ADGRF1: variants seen among roughly 807,000 people sequenced by gnomAD.
The protein encoded by ADGRF1 is G protein-coupled receptor 110.
In ADGRF1, 85 loss-of-function variants were observed where a neutral mutation model predicts 87.2. The observed-to-expected ratio is 0.97, with a 90% CI of 0.82 to 1.17. The LOEUF is 1.17. Among genes scored for constraint, ADGRF1 ranks in the 50% most tolerant of loss-of-function variants. The pLI is 0.00. For missense variants in ADGRF1, 1,169 were observed against 1,077.2 expected, an observed-to-expected ratio of 1.09 and a Z score of -1.19; for synonymous variants, 430 against 408.8, an observed-to-expected ratio of 1.05 and a Z score of -0.63.
At chr6:47,022,904 C>T (rs2113896289) in intron 5 of ADGRF1, among the ~76,000 whole-genome samples, 1 of 147,308 alleles carries the variant, frequency 6.8e-6, no homozygotes, top group Middle Eastern at 3.5e-3. Context: ...CTTCTGGGTT[C>T]AAGCAATCCT....
chr6:47,007,569 G>T (rs573604298), intron 11 of ADGRF1, among the ~76,000 whole-genome samples: 2 of 152,284 alleles, frequency 1.3e-5, no homozygotes, highest in South Asian at 4.1e-4. Context: ...TCTCCCCATC[G>T]TACCATCCCA....
chr6:47,018,588 T>C, intron 7 of ADGRF1: 3 of 1,289,460 alleles, frequency 2.3e-6, no homozygotes, highest in Non-Finnish European at 3.0e-6. Context: ...CTGTCCTGTT[T>C]GACAGATAAG....
At chr6:47,018,481 T>A in intron 7 of ADGRF1, 1 of 1,289,670 alleles carries the variant, frequency 7.8e-7, no homozygotes, top group Non-Finnish European at 1.0e-6. Flanking sequence ...TCACAATACC[T>A]TTGTATTGAT....
rs777377434 is a variant in ADGRF1 at position 47,005,812 on chromosome 6, A to T, written c.2592+5T>A. 6.2e-7 allele frequency: 1 copy of T among 1,607,498 alleles called. No homozygotes were observed. Among genetic ancestry groups the T allele is most frequent in the Admixed American group, 1.7e-5 (1 of 59,402 alleles). On this transcript the variant is annotated splice_donor_5th_base_variant and intron_variant, in intron 13 of 14. Coordinates refer to ENST00000371253, the MANE Select transcript of ADGRF1 (RefSeq NM_153840.4). Reference sequence around the variant, plus strand: ...ATTGGATTCATGGCAGTAGGAGATAATTACCTTTTCTGTTTGCTTCCAAGA... The same window carrying T: ...ATTGGATTCATGGCAGTAGGAGATATTTACCTTTTCTGTTTGCTTCCAAGA...
chr6:47,027,466 A>G (rs1396673731), intron 3 of ADGRF1, among the ~76,000 whole-genome samples: 2 of 152,240 alleles, frequency 1.3e-5, no homozygotes, highest in Non-Finnish European at 2.9e-5. Flanking sequence ...GCACAGAAGA[A>G]AAGGGCGTGT....
At chr6:47,018,733 G>A (rs911398975) in intron 7 of ADGRF1, 1 of 319,318 alleles carries the variant, frequency 3.1e-6, no homozygotes, top group South Asian at 3.2e-5. Flanking sequence ...TCAACATGGT[G>A]AAACCCTTCT....
At position 47,009,617 on chromosome 6, in the gene ADGRF1, G is replaced by A. The variant is rs755738170; in HGVS notation, c.1818C>T (p.Ile606=). 18 of 1,614,004 alleles carry A rather than the reference G, an allele frequency of 1.1e-5. No homozygotes were observed. Among genetic ancestry groups the A allele is most frequent in the Admixed American group, 3.3e-5 (2 of 59,990 alleles). Residue 606 remains isoleucine, a synonymous_variant, in exon 11 of 15, where the codon ATC becomes ATT. Coordinates refer to ENST00000371253, the MANE Select transcript of ADGRF1 (RefSeq NM_153840.4). The stretch of plus-strand genomic sequence containing the variant: ...TAATCTGCTTCCAAAACAAAGCCTC[G>A]ATGATCAGGCATAAAATGAGACTTC... ...SIGSLILCLI[I]EALFWKQIKK...
At chr6:47,000,685 A>G (rs1474415616) in intron 14 of ADGRF1, among the ~76,000 whole-genome samples, 1 of 152,216 alleles carries the variant, frequency 6.6e-6, no homozygotes, top group Non-Finnish European at 1.5e-5. Flanking sequence ...GGCAATAACA[A>G]CAGAACCCAA....
At chr6:47,025,318 C>A (rs560746505) in intron 4 of ADGRF1, among the ~76,000 whole-genome samples, 1 of 152,318 alleles carries the variant, frequency 6.6e-6, no homozygotes, top group Non-Finnish European at 1.5e-5. Context: ...GAAGAATTTG[C>A]ATTTTTGCTA....
At position 47,025,780 on chromosome 6, in the gene ADGRF1, G is replaced by A. The variant is rs1780209822; in HGVS notation, c.277+74C>T. On this transcript the variant is annotated intron_variant, in intron 4 of 14. Transcript: ENST00000371253. Reference sequence around the variant, plus strand: ...GATTGTAGGGATGATTGTTTCCACAGCATAACCCAACCTAGCCTGACTGAT... The same window carrying A: ...GATTGTAGGGATGATTGTTTCCACAACATAACCCAACCTAGCCTGACTGAT... 4.5e-6 allele frequency: 6 copies of A among 1,327,764 alleles called. No homozygotes were observed. The Admixed American group carries it at 1.3e-4, about 29-fold the overall frequency. 82.2% of individuals were successfully genotyped at this position (1,327,764 alleles called of 1,614,324 possible). A position where few individuals can be genotyped will look rare whatever the true frequency, so the allele number is the denominator to read the frequency against.
chr6:47,008,698 G>T (rs1484139873), intron 11 of ADGRF1, among the ~76,000 whole-genome samples: 3 of 152,194 alleles, frequency 2.0e-5, no homozygotes, highest in African/African-American at 7.2e-5. Flanking sequence ...GAGATTATTT[G>T]CCAGAAGAAC....
At chr6:47,025,333 C>T (rs1254929713) in intron 4 of ADGRF1, among the ~76,000 whole-genome samples, 2 of 152,178 alleles carry the variant, frequency 1.3e-5, no homozygotes, top group East Asian at 1.9e-4. Context: ...TTGCTAAGTT[C>T]CCTAATGCTG....
rs1779258977 is a variant in ADGRF1 at position 46,997,956 on chromosome 6, C to T, written c.*2266G>A. 2.0e-5 allele frequency: 3 copies of T among 152,258 alleles called. No individual in the cohort carries two copies. The South Asian group carries it at 6.2e-4, about 32-fold the overall frequency. 9.4% of individuals were successfully genotyped at this position (152,258 alleles called of 1,614,324 possible). On this transcript the variant is annotated 3_prime_UTR_variant, in exon 15 of 15. Transcript: ENST00000371253. ...TTAAATAGTTTGGTAATTATGACTCCCAGTCGCCTACAATAAGAAGAAACT... is the reference window on the plus strand; with the variant it reads ...TTAAATAGTTTGGTAATTATGACTCTCAGTCGCCTACAATAAGAAGAAACT...
intron 11 of ADGRF1, among the ~76,000 whole-genome samples, chr6:47,008,319 C>T (rs1002682533): frequency 6.6e-6 from 1 of 152,186 alleles, no homozygotes; most frequent in African/African-American, 2.4e-5. Context: ...TGAACACTTT[C>T]TGACTGTGCC....
At position 47,014,794 on chromosome 6, in the gene ADGRF1, T is replaced by G. The variant is rs1440076495; in HGVS notation, c.814A>C (p.Thr272Pro). 6.2e-7 allele frequency: 1 copy of G among 1,613,812 alleles called. No individual in the cohort carries two copies. Among genetic ancestry groups the G allele is most frequent in the Non-Finnish European group, 8.5e-7 (1 of 1,179,850 alleles). The change falls in exon 9 of 15, where the codon ACC becomes CCC. Residue 272 changes from threonine (T) to proline (P), a missense_variant. Transcript: ENST00000371253. ...FGFGSKDDEY[T>P]LPCSSGYRGN... is the part of the protein sequence containing the mutation. ...CTGTAGCCACTGCTGCAGGGCAGGG[T>G]ATATTCATCATCCTTGGACCCAAAT...
intron 13 of ADGRF1, 70 bp from the exon 14 acceptor site, chr6:47,001,637 C>T (rs1582132105): frequency 8.5e-7 from 1 of 1,180,550 alleles, no homozygotes; most frequent in East Asian, 2.4e-5. Context: ...CATTTCCTGA[C>T]TTCCTGATGT....
At chr6:47,041,450 C>G (rs922581191) in intron 1 of ADGRF1, among the ~76,000 whole-genome samples, 1 of 152,180 alleles carries the variant, frequency 6.6e-6, no homozygotes, top group African/African-American at 2.4e-5. Context: ...CTTTCTATAT[C>G]TCCTTCGGTA....
intron 1 of ADGRF1, among the ~76,000 whole-genome samples, chr6:47,038,754 A>T (rs1017658633): frequency 8.5e-5 from 13 of 152,246 alleles, no homozygotes; most frequent in African/African-American, 3.1e-4. Flanking sequence ...ATATATTTTT[A>T]AAATTCTACT....
rs544370330 is a variant in ADGRF1, at chr6:47,037,645, T to C, written c.-44+4546A>G. Among the ~76,000 whole-genome samples, 4 of 152,104 alleles carry C rather than the reference T, an allele frequency of 2.6e-5. No individual in the cohort carries two copies. The South Asian group carries it at 8.3e-4, about 32-fold the overall frequency. On this transcript the variant is annotated intron_variant, in intron 1 of 14. Transcript: ENST00000371253. ...TCAGCCTCCTGGGTGGCTGGGACTA[T>C]AGGCACACACCACCACACCCAGCTA...
Sources: gnomAD v4.1 joint callset for allele counts (sites outside exome capture counted in the v4.1 genomes callset) on GRCh38, gnomAD v4.1.1 for gene constraint, MANE v1.5 for transcripts, NCBI Gene and HGNC (gene_info 2026-07-23, HGNC 2026-07-21) for gene names.